The following CACNA1B variants were observed in gnomAD, a reference collection of about 807,000 sequenced individuals.
The protein encoded by CACNA1B is voltage-dependent N-type calcium channel subunit alpha-1B.
CACNA1B carries 70 observed loss-of-function variants against 247.2 expected under a neutral mutation model. The ratio of observed to expected loss-of-function variants is 0.28; its 90% CI spans 0.23 to 0.35. CACNA1B has a LOEUF of 0.35. Ranked by LOEUF, CACNA1B falls within the 10% of genes least tolerant of loss-of-function variation. The probability of loss-of-function intolerance (pLI) is 1.00; values close to 1 mark genes in which losing one functional copy is unlikely to be tolerated. For synonymous variants in CACNA1B, 1,231 were observed against 1,294.4 expected, an observed-to-expected ratio of 0.95 and a Z score of 1.05; for missense variants, 2,367 against 3,197.4, an observed-to-expected ratio of 0.74 and a Z score of 6.26.
chr9:137,949,110 G>GTGTGT (rs1957838957), intron 6 of CACNA1B, among the ~76,000 whole-genome samples: 1 of 4,602 alleles, frequency 2.2e-4, no homozygotes. Flanking sequence ...GTTTGTGGTG[G>GTGTGT]CTGTGTGTCC....
Position 137,971,474 on chromosome 9 carries a change from C to T in CACNA1B, c.1425C>T (p.Ile475=). 6.2e-7 allele frequency: 1 copy of T among 1,613,558 alleles called. No individual in the cohort carries two copies. The highest frequency in any genetic ancestry group is 8.5e-7 in the Non-Finnish European group (1 of 1,179,670). Residue 475 remains isoleucine, a synonymous_variant, in exon 11 of 47, where the codon ATC becomes ATT. Coordinates refer to ENST00000371372, the MANE Select transcript of CACNA1B (RefSeq NM_000718.4). The surrounding 1 kb of genome is among the most constrained non-coding windows in gnomAD (Gnocchi z 4.4). The part of the protein sequence containing the change: ...RRKEKMFRFF[I]RRMVKAQSFY... ...AGGAGAAGATGTTCCGGTTTTTTAT[C>T]CGGCGCATGGTGAAGGCTCAGAGCT...
intron 36 of CACNA1B, among the ~76,000 whole-genome samples, chr9:138,093,689 G>C (rs1960957437): frequency 6.6e-6 from 1 of 151,750 alleles, no homozygotes. Flanking sequence ...GCAGTGACCT[G>C]AGATCACGCC....
rs563656033 is a variant in CACNA1B, at chr9:138,016,383, T to A, written c.2267+3148T>A. ...GGAGCTTTGGTTTCTTTCTGTTGGT[T>A]TTAGAAAAGCCTTTGAAAGTCACTT... On this transcript the variant is annotated intron_variant, in intron 18 of 46. Transcript: ENST00000371372. Among the ~76,000 whole-genome samples, 13 of 152,318 alleles carry A rather than the reference T, an allele frequency of 8.5e-5. No homozygotes were observed. The South Asian group carries it at 1.2e-3, about 15-fold the overall frequency.
intron 21 of CACNA1B, among the ~76,000 whole-genome samples, chr9:138,044,914 G>A (rs890144961): frequency 9.2e-5 from 14 of 152,360 alleles, no homozygotes; most frequent in Middle Eastern, 6.8e-3. Context: ...AGCGGTAATG[G>A]AGACAGACGT....
chr9:138,092,042 A>G (rs1589123328), intron 36 of CACNA1B, among the ~76,000 whole-genome samples: 1 of 152,364 alleles, frequency 6.6e-6, no homozygotes, highest in African/African-American at 2.4e-5. Flanking sequence ...CAAAGAGCAC[A>G]TGCTTCAAAG....
intron 15 of CACNA1B, among the ~76,000 whole-genome samples, chr9:137,996,991 A>G (rs1424889533): frequency 6.6e-6 from 1 of 152,264 alleles, no homozygotes; most frequent in Non-Finnish European, 1.5e-5. Context: ...AATTGACTAG[A>G]ACTTTTCCTA....
chr9:138,097,011 CACAGCCATAGCGT>C (rs1450097460), intron 37 of CACNA1B, among the ~76,000 whole-genome samples: 1 of 151,536 alleles, frequency 6.6e-6, no homozygotes, highest in East Asian at 1.9e-4. Context: ...GTGGAGACAG[CACAGCCATAGCGT>C]CCTTGTGAGA....
chr9:138,045,249 G>A (rs1472707415), intron 21 of CACNA1B, among the ~76,000 whole-genome samples: 2 of 152,286 alleles, frequency 1.3e-5, no homozygotes, highest in South Asian at 4.2e-4. Flanking sequence ...GGGTTGGGGG[G>A]TTGCACCATC....
At chr9:137,987,568 G>A (rs1958380935) in intron 15 of CACNA1B, among the ~76,000 whole-genome samples, 1 of 152,190 alleles carries the variant, frequency 6.6e-6, no homozygotes, top group Non-Finnish European at 1.5e-5. Context: ...TCTTACGGAG[G>A]CCCAACAGGC....
At chr9:138,089,963 TAGAA>T (rs750894774) in intron 36 of CACNA1B, among the ~76,000 whole-genome samples, 11 of 152,002 alleles carry the variant, frequency 7.2e-5, no homozygotes, top group Admixed American at 2.0e-4. Flanking sequence ...ACACAAAAAA[TAGAA>T]AGACATTTGA....
Position 138,052,279 on chromosome 9 carries a change from G to T in CACNA1B, c.3807+91G>T. On this transcript the variant is annotated intron_variant, in intron 25 of 46. Coordinates refer to ENST00000371372, the MANE Select transcript of CACNA1B (RefSeq NM_000718.4). The surrounding 1 kb of genome is among the most constrained non-coding windows in gnomAD (Gnocchi z 5.1). ...GTGTGTGTGTATGCATGCAGTGCAT[G>T]AGTGTGTGTGTGTTCACATCACACC... is the stretch of plus-strand genomic sequence containing the variant. 3.3e-6 allele frequency: 2 copies of T among 608,632 alleles called. No homozygotes were observed. The highest frequency in any genetic ancestry group is 3.9e-5 in the South Asian group (2 of 51,526). The allele number at this position is 608,632 out of a possible 1,614,324, so 37.7% of individuals were successfully genotyped here. A position where few individuals can be genotyped will look rare whatever the true frequency, so the allele number is the denominator to read the frequency against.
intron 20 of CACNA1B, among the ~76,000 whole-genome samples, chr9:138,042,944 G>A (rs1048376396): frequency 2.6e-5 from 4 of 152,176 alleles, no homozygotes; most frequent in Non-Finnish European, 4.4e-5. Context: ...AGTGGGAGGC[G>A]GCTCCAAGTC....
chr9:138,120,046 G>A, intron 44 of CACNA1B, 119 bp from the exon 45 acceptor site: 2 of 853,116 alleles, frequency 2.3e-6, no homozygotes, highest in Non-Finnish European at 3.6e-6. Context: ...CTGACTGTGA[G>A]ACCAGGATGG....
chr9:138,020,251 C>T lies in CACNA1B; in HGVS notation c.2268-2760C>T, dbSNP rs1454937696. Among the ~76,000 whole-genome samples the T allele has an allele frequency of 2.0e-5, 3 of 152,186 alleles. No homozygotes were observed. The highest frequency in any genetic ancestry group is 4.4e-5 in the Non-Finnish European group (3 of 68,040). On this transcript the variant is annotated intron_variant, in intron 18 of 46. Transcript: ENST00000371372. The surrounding 1 kb of genome is among the most constrained non-coding windows in gnomAD (Gnocchi z 4.1). ...GAGGCCACTTCCAAGTCCTGTAGTTCCCCACAGCACCCAGCTGAGCATGGC... is the reference window on the plus strand; with the variant it reads ...GAGGCCACTTCCAAGTCCTGTAGTTTCCCACAGCACCCAGCTGAGCATGGC...
chr9:137,971,263 G>A lies in CACNA1B; in HGVS notation c.1334-120G>A. Reference sequence around the variant, plus strand: ...GGTCACAGGGGTCACTGGCACAATTGTCTGTGACCGGCTGGGGCTGGGGGC... The same window carrying A: ...GGTCACAGGGGTCACTGGCACAATTATCTGTGACCGGCTGGGGCTGGGGGC... On this transcript the variant is annotated intron_variant, in intron 10 of 46. Coordinates refer to ENST00000371372, the MANE Select transcript of CACNA1B (RefSeq NM_000718.4). The surrounding 1 kb of genome is among the most constrained non-coding windows in gnomAD (Gnocchi z 4.4). The A allele has an allele frequency of 1.4e-6, 1 of 695,392 alleles. No individual in the cohort carries two copies. Among genetic ancestry groups the A allele is most frequent in the Non-Finnish European group, 2.5e-6 (1 of 397,768 alleles). The allele number at this position is 695,392 out of a possible 1,614,324, so 43.1% of individuals were successfully genotyped here.
rs1414250988 is a variant in CACNA1B at position 138,012,806 on chromosome 9, G to T, written c.2161-323G>T. On this transcript the variant is annotated intron_variant, in intron 17 of 46. Transcript: ENST00000371372. The surrounding 1 kb of genome is among the most constrained non-coding windows in gnomAD (Gnocchi z 4.2). ...TACCTGGGTTAGAGCTCAGAGTAAG[G>T]TCAGGATAGCACAGAGGTGAGGCCG... 1.3e-5 allele frequency among the ~76,000 whole-genome samples: 2 copies of T among 152,080 alleles called. No individual in the cohort carries two copies. Among genetic ancestry groups the T allele is most frequent in the East Asian group, 3.9e-4 (2 of 5,172 alleles).
chr9:137,920,515 G>A (rs573051412), intron 6 of CACNA1B, among the ~76,000 whole-genome samples: 48 of 152,298 alleles, frequency 3.2e-4, no homozygotes, highest in Admixed American at 5.2e-4. Context: ...TTCAACTGCC[G>A]AGTTGAAACT....
rs1390993473 is a variant in CACNA1B at position 137,988,663 on chromosome 9, G to A, written c.1974+1809G>A. Among the ~76,000 whole-genome samples, 6 of 152,234 alleles carry A rather than the reference G, an allele frequency of 3.9e-5. No homozygotes were observed. The South Asian group carries it at 1.0e-3, about 26-fold the overall frequency. On this transcript the variant is annotated intron_variant, in intron 15 of 46. Coordinates refer to ENST00000371372, the MANE Select transcript of CACNA1B (RefSeq NM_000718.4). ...AATGGAACAGAACATACAGTGGTGA[G>A]AGACAGCAGAGACCCAGGCACCAGG...
At chr9:138,105,888 C>A in intron 39 of CACNA1B, 81 bp downstream of exon 39, 2 of 794,878 alleles carry the variant, frequency 2.5e-6, no homozygotes, top group South Asian at 1.5e-5. Context: ...CAGGAGGACA[C>A]GCAGGGAGGA....
Sources: gnomAD v4.1 joint callset for allele counts (sites outside exome capture counted in the v4.1 genomes callset) on GRCh38, gnomAD v4.1.1 for gene constraint, Gnocchi (gnomAD v3.1) non-coding constraint, MANE v1.5 for transcripts, NCBI Gene and HGNC (gene_info 2026-07-23, HGNC 2026-07-21) for gene names.